EFCAB13: variants seen among roughly 807,000 people sequenced by gnomAD.
EFCAB13 encodes the protein EF-hand calcium-binding domain-containing protein 13.
A neutral mutation model predicts 110.2 loss-of-function variants in EFCAB13; 91 were observed. The ratio of observed to expected loss-of-function variants is 0.83; its 90% confidence interval spans 0.70 to 0.98. The LOEUF (loss-of-function observed/expected upper bound fraction) is 0.98, where lower values mean the gene tolerates loss of function less well. EFCAB13 is among the 50% of genes least tolerant of loss of function. The pLI is 0.00. For synonymous variants in EFCAB13, 323 were observed against 369.9 expected (o/e 0.87, Z 1.45); for missense variants, 968 against 1,119.4 (o/e 0.86, Z 1.93).
chr17:47,435,409 C>T (rs577329331), intron 24 of EFCAB13, among the ~76,000 whole-genome samples: 3 of 152,220 alleles, frequency 2.0e-5, no homozygotes, highest in Non-Finnish European at 2.9e-5. Flanking sequence ...AACACTTTTA[C>T]GCTACTGGTG....
At chr17:47,336,846 C>T (rs1434831439) in intron 5 of EFCAB13, among the ~76,000 whole-genome samples, 2 of 151,880 alleles carry the variant, frequency 1.3e-5, no homozygotes, top group Non-Finnish European at 2.9e-5. Flanking sequence ...GAGAAATACT[C>T]AATCTGTATT....
Position 47,412,820 on chromosome 17 carries a change from A to G in EFCAB13, c.2326A>G (p.Ile776Val). 1 of 1,613,814 alleles carries G rather than the reference A, an allele frequency of 6.2e-7. No individual in the cohort carries two copies. Among genetic ancestry groups the G allele is most frequent in the Non-Finnish European group, 8.5e-7 (1 of 1,179,832 alleles). The stretch of plus-strand genomic sequence containing the variant: ...CTTGTCACATGTCGATAATGGCAAG[A>G]TTGGTATACCTGATTTGGAGCATGC... ...NILSHVDNGK[I>V]GIPDLEHALK... The change falls in exon 22 of 25, where the codon ATT becomes GTT. Residue 776 changes from isoleucine (I) to valine (V), a missense_variant. Physicochemically the swap from Ile to Val is conservative, Grantham distance 29 (BLOSUM62 3). Coordinates refer to ENST00000331493, the MANE Select transcript of EFCAB13 (RefSeq NM_152347.5).
chr17:47,396,029 T>C, intron 17 of EFCAB13, 52 bp downstream of exon 17: 1 of 1,474,606 alleles, frequency 6.8e-7, no homozygotes, highest in Non-Finnish European at 9.2e-7. Flanking sequence ...ATTACTTTAT[T>C]TTCTGTCAAC....
intron 10 of EFCAB13, among the ~76,000 whole-genome samples, chr17:47,369,456 G>A (rs1262729119): frequency 6.6e-6 from 1 of 152,176 alleles, no homozygotes; most frequent in Non-Finnish European, 1.5e-5. Context: ...TGTTTTTGAA[G>A]TTGTGCATAG....
chr17:47,346,270 A>G (rs975932069), intron 8 of EFCAB13, among the ~76,000 whole-genome samples: 2 of 152,120 alleles, frequency 1.3e-5, no homozygotes, highest in Non-Finnish European at 2.9e-5. Flanking sequence ...TGACTATTTT[A>G]GATGCTTTAT....
At chr17:47,438,112 A>T (rs144875979) in intron 24 of EFCAB13, among the ~76,000 whole-genome samples, 1 of 152,172 alleles carries the variant, frequency 6.6e-6, no homozygotes, top group Non-Finnish European at 1.5e-5. Context: ...ATAGGGCCCT[A>T]ATCCCTTCTA....
chr17:47,413,900 G>A (rs910076584), intron 22 of EFCAB13, among the ~76,000 whole-genome samples: 1 of 151,888 alleles, frequency 6.6e-6, no homozygotes, highest in African/African-American at 2.4e-5. Context: ...TTATGGGCTC[G>A]AATCTTTTTT....
intron 14 of EFCAB13, among the ~76,000 whole-genome samples, chr17:47,386,345 A>T (rs1361077572): frequency 2.6e-5 from 4 of 152,104 alleles, no homozygotes; most frequent in Non-Finnish European, 5.9e-5. Flanking sequence ...TGCCCTTCCC[A>T]GTGAAGAGGA....
At position 47,440,786 on chromosome 17, in the gene EFCAB13, A is replaced by G; in HGVS notation, c.*72A>G. On this transcript the variant is annotated 3_prime_UTR_variant, in exon 25 of 25. Transcript: ENST00000331493. ...TCAGTATGCATATTTGACTTCTGAA[A>G]TTATTAGAAAATAATTTTTAAAACT... 1 of 1,243,718 alleles carries G rather than the reference A, an allele frequency of 8.0e-7. No individual in the cohort carries two copies. The highest frequency in any genetic ancestry group is 2.6e-5 in the East Asian group (1 of 38,636). 77.0% of individuals were successfully genotyped at this position (1,243,718 alleles called of 1,614,324 possible).
intron 15 of EFCAB13, among the ~76,000 whole-genome samples, chr17:47,392,793 G>A (rs554709254): frequency 9.2e-5 from 14 of 152,116 alleles, no homozygotes; most frequent in Non-Finnish European, 1.5e-4. Flanking sequence ...ATTTTCTGAC[G>A]TAGGATTTTT....
chr17:47,324,755 A>G (rs1008135612), intron 2 of EFCAB13, among the ~76,000 whole-genome samples: 4 of 151,890 alleles, frequency 2.6e-5, no homozygotes, highest in Admixed American at 1.3e-4. Flanking sequence ...GTCATGCTTC[A>G]GTGAAGACGC....
intron 10 of EFCAB13, among the ~76,000 whole-genome samples, chr17:47,369,398 A>C (rs2143343230): frequency 6.6e-6 from 1 of 152,342 alleles, no homozygotes; most frequent in Admixed American, 6.5e-5. Flanking sequence ...CTACAGCCGA[A>C]CTATAGTCAG....
intron 14 of EFCAB13, among the ~76,000 whole-genome samples, chr17:47,381,757 G>T (rs1341024732): frequency 6.6e-6 from 1 of 152,080 alleles, no homozygotes; most frequent in Non-Finnish European, 1.5e-5. Context: ...TTTGATTACT[G>T]TAGCCTTTTA....
chr17:47,419,800 T>A (rs1275323187), intron 23 of EFCAB13, among the ~76,000 whole-genome samples: 2 of 152,206 alleles, frequency 1.3e-5, no homozygotes, highest in East Asian at 3.9e-4. Context: ...AATACTAAAC[T>A]TTTTTAAAAG....
At chr17:47,355,588 T>C (rs982111256) in intron 9 of EFCAB13, among the ~76,000 whole-genome samples, 5 of 150,394 alleles carry the variant, frequency 3.3e-5, no homozygotes, top group African/African-American at 1.2e-4. Flanking sequence ...TTTTTTTTTT[T>C]TTTGAGACAG....
intron 10 of EFCAB13, among the ~76,000 whole-genome samples, chr17:47,366,481 G>T (rs2065546906): frequency 6.6e-6 from 1 of 152,138 alleles, no homozygotes; most frequent in African/African-American, 2.4e-5. Context: ...GAGTAACGTT[G>T]CCTTGCATAT....
intron 16 of EFCAB13, among the ~76,000 whole-genome samples, 185 bp from the exon 17 acceptor site, chr17:47,395,649 A>T (rs533597682): frequency 6.6e-6 from 1 of 152,304 alleles, no homozygotes; most frequent in Non-Finnish European, 1.5e-5. Context: ...CCTCAAAAAT[A>T]CATTATATTT....
intron 14 of EFCAB13, among the ~76,000 whole-genome samples, chr17:47,389,225 A>C (rs1179774488): frequency 2.0e-5 from 3 of 152,110 alleles, no homozygotes; most frequent in Non-Finnish European, 4.4e-5. Context: ...TTTTGTAGAG[A>C]TGTGGTCTCC....
intron 17 of EFCAB13, among the ~76,000 whole-genome samples, chr17:47,397,307 C>T (rs1201759360): frequency 6.6e-6 from 1 of 152,328 alleles, no homozygotes; most frequent in Non-Finnish European, 1.5e-5. Context: ...GTCTGGTTCA[C>T]TCAGTGCTCA....
Sources: gnomAD v4.1 joint callset for allele counts (sites outside exome capture counted in the v4.1 genomes callset) on GRCh38, gnomAD v4.1.1 for gene constraint, MANE v1.5 for transcripts, NCBI Gene and HGNC (gene_info 2026-07-23, HGNC 2026-07-21) for gene names.